ZBTB46: variants seen among roughly 807,000 people sequenced by gnomAD.
The protein encoded by ZBTB46 is zinc finger and BTB domain containing 46.
A neutral mutation model predicts 44.1 loss-of-function variants in ZBTB46; 8 were observed. The observed-to-expected ratio is 0.18, with a 90% CI of 0.11 to 0.33. ZBTB46 has a LOEUF of 0.33. ZBTB46 is among the 10% of genes least tolerant of loss of function. The probability of loss-of-function intolerance (pLI) is 1.00; values close to 1 mark genes in which losing one functional copy is unlikely to be tolerated. For missense variants in ZBTB46, 651 were observed against 847.7 expected, an observed-to-expected ratio of 0.77 and a Z score of 2.88; for synonymous variants, 409 against 382.3, an observed-to-expected ratio of 1.07 and a Z score of -0.81.
chr20:63,821,777 A>C (rs185223961), intron 1 of ZBTB46, among the ~76,000 whole-genome samples: 2 of 152,288 alleles, frequency 1.3e-5, no homozygotes, highest in East Asian at 3.9e-4. Flanking sequence ...GTGATGCTAA[A>C]CAGAAATACT....
intron 2 of ZBTB46, 126 bp downstream of exon 2, chr20:63,789,695 G>A: frequency 6.8e-7 from 1 of 1,463,988 alleles, no homozygotes; most frequent in Non-Finnish European, 9.1e-7. Context: ...CCTCCTGTAA[G>A]AGGAAGTGAC....
intron 3 of ZBTB46, among the ~76,000 whole-genome samples, chr20:63,756,658 G>A (rs571559511): frequency 2.0e-5 from 3 of 152,332 alleles, no homozygotes; most frequent in Admixed American, 6.5e-5. Context: ...CAGGCACTGC[G>A]TGTTCCCAGC....
chr20:63,774,896 G>C (rs1315582406), intron 3 of ZBTB46, among the ~76,000 whole-genome samples: 7 of 152,012 alleles, frequency 4.6e-5, no homozygotes, highest in Non-Finnish European at 8.8e-5. Context: ...GTAGAGACGG[G>C]GTTTCACCGT....
At chr20:63,823,321 C>T (rs878989730) in intron 1 of ZBTB46, among the ~76,000 whole-genome samples, 1 of 151,994 alleles carries the variant, frequency 6.6e-6, no homozygotes, top group Non-Finnish European at 1.5e-5. Flanking sequence ...ATGGCAAAAC[C>T]TGGTCTCTAC....
At chr20:63,769,453 C>T in intron 3 of ZBTB46, 1 of 984,976 alleles carries the variant, frequency 1.0e-6, no homozygotes, top group Non-Finnish European at 1.2e-6. Context: ...TAGAGAGTTC[C>T]AGAAGCACTG....
At chr20:63,769,992 G>C (rs2145836602) in intron 3 of ZBTB46, among the ~76,000 whole-genome samples, 1 of 152,354 alleles carries the variant, frequency 6.6e-6, no homozygotes, top group Non-Finnish European at 1.5e-5. Flanking sequence ...AAGGACTGCA[G>C]GGAGCTGGGG....
rs752756525 is a variant in ZBTB46 at position 63,775,857 on chromosome 20, T to G, written c.1043A>C (p.Tyr348Ser). 1.2e-6 allele frequency: 2 copies of G among 1,613,370 alleles called. No homozygotes were observed. Among genetic ancestry groups the G allele is most frequent in the Admixed American group, 3.3e-5 (2 of 60,024 alleles). Residue 348 changes from tyrosine (Y) to serine (S), a missense_variant, in exon 3 of 5, where the codon TAT (tyrosine) becomes TCT (serine). Physicochemically the swap from Tyr to Ser is moderately radical, Grantham distance 144. Around this residue, in one of 5 missense-constraint regions of ZBTB46, gnomAD observed 385 missense variants for 423.3 expected, o/e 0.91. Transcript: ENST00000245663. Reference protein sequence around the residue: ...EEGLLGGEASYLGPPLTPEKD... With the variant: ...EEGLLGGEASSLGPPLTPEKD... Reference sequence around the variant, plus strand: ...CTCTGGGGTGAGGGGAGGGCCCAGATAGCTGGCTTCTCCTCCCAGGAGACC... The same window carrying G: ...CTCTGGGGTGAGGGGAGGGCCCAGAGAGCTGGCTTCTCCTCCCAGGAGACC...
At chr20:63,793,702 C>A (rs1338336297) in intron 1 of ZBTB46, among the ~76,000 whole-genome samples, 1 of 152,190 alleles carries the variant, frequency 6.6e-6, no homozygotes, top group Non-Finnish European at 1.5e-5. Context: ...CACACCTCCA[C>A]GTAAGATTTT....
chr20:63,749,498 A>G (rs1033395991), intron 4 of ZBTB46, among the ~76,000 whole-genome samples: 9 of 151,954 alleles, frequency 5.9e-5, no homozygotes, highest in South Asian at 4.2e-4. Flanking sequence ...CACCACGCCC[A>G]GCTAATTTTT....
intron 1 of ZBTB46, 166 bp from the exon 2 acceptor site, chr20:63,790,956 C>T: frequency 1.0e-6 from 1 of 998,608 alleles, no homozygotes; most frequent in Non-Finnish European, 1.4e-6. Context: ...TGTGTCTCCG[C>T]CTGAAGCAGG....
At chr20:63,771,999 T>C (rs2092378726) in intron 3 of ZBTB46, among the ~76,000 whole-genome samples, 2 of 91,324 alleles carry the variant, frequency 2.2e-5, no homozygotes, top group Admixed American at 1.3e-4. Context: ...AAAGGGCAAA[T>C]TCTTTTTTTT....
At chr20:63,788,320 G>A (rs1194262866) in intron 2 of ZBTB46, 2 of 152,258 alleles carry the variant, frequency 1.3e-5, no homozygotes, top group African/African-American at 4.8e-5. Flanking sequence ...CTGGGGAAAA[G>A]AGCAGAGGCC....
chr20:63,769,489 G>A, intron 3 of ZBTB46: 4 of 962,566 alleles, frequency 4.2e-6, no homozygotes, highest in Non-Finnish European at 4.9e-6. Context: ...TGCGGTGTGA[G>A]CCCGGTGATG....
At chr20:63,798,771 G>A (rs1209258536) in intron 1 of ZBTB46, among the ~76,000 whole-genome samples, 1 of 150,232 alleles carries the variant, frequency 6.7e-6, no homozygotes, top group Non-Finnish European at 1.5e-5. Context: ...CTGAGCCTGG[G>A]AGGCAGAGGA....
intron 3 of ZBTB46, among the ~76,000 whole-genome samples, chr20:63,772,001 C>CTTTT (rs11473575): frequency 8.6e-5 from 12 of 138,854 alleles, no homozygotes; most frequent in South Asian, 2.3e-4. Flanking sequence ...AGGGCAAATT[C>CTTTT]TTTTTTTTTT....
upstream of ZBTB46, among the ~76,000 whole-genome samples, chr20:63,832,616 C>G (rs935398898): frequency 6.6e-6 from 1 of 152,210 alleles, no homozygotes; most frequent in African/African-American, 2.4e-5. This position sits in a 1 kb window ranked among gnomAD's most constrained non-coding sequence, Gnocchi z 5.0. Context: ...CCCTTACTGC[C>G]GTCGCGGGCG....
chr20:63,790,010 C>T lies in ZBTB46; in HGVS notation c.748G>A (p.Ala250Thr), dbSNP rs762973807. 10 of 1,614,148 alleles carry T rather than the reference C, an allele frequency of 6.2e-6. No individual in the cohort carries two copies. In the East Asian group the frequency reaches 2.0e-4, roughly 32 times the overall value. ...TGCTCTGAGAAAGAGTTCTGTACTG[C>T]ACCGTCCTTGGCAGAAGGCAGCTCG... The part of the protein sequence containing the change: ...GSELPSAKDG[A>T]VQNSFSEQSA... Residue 250 changes from alanine to threonine, a missense_variant, in exon 2 of 5, where the codon GCA becomes ACA. Transcript: ENST00000245663.
At chr20:63,830,286 A>G (rs1179011743) in intron 1 of ZBTB46, among the ~76,000 whole-genome samples, 2 of 152,060 alleles carry the variant, frequency 1.3e-5, no homozygotes, top group African/African-American at 4.8e-5. Context: ...TGCCTTAGGG[A>G]TTGAGTTGTC....
rs2092330124 is a variant in ZBTB46 at position 63,767,480 on chromosome 20, C to G, written c.1222+8198G>C. On this transcript the variant is annotated intron_variant, in intron 3 of 4. Transcript: ENST00000245663. The surrounding 1 kb of genome is among the most constrained non-coding windows in gnomAD (Gnocchi z 5.0). ...CCCAGTCACAGCTCTCCGCAGATAT[C>G]CCCCTCCGACGCGGCTGTTCGGTCA... Among the ~76,000 whole-genome samples, 1 of 152,134 alleles carries G rather than the reference C, an allele frequency of 6.6e-6. No individual in the cohort carries two copies. The highest frequency in any genetic ancestry group is 1.5e-5 in the Non-Finnish European group (1 of 68,034).
Sources: allele counts gnomAD v4.1 joint callset (sites outside exome capture counted in the v4.1 genomes callset), GRCh38; gene constraint gnomAD v4.1.1; regional missense constraint gnomAD v4.1.1; non-coding constraint Gnocchi (gnomAD v3.1); transcripts MANE v1.5; gene names NCBI Gene and HGNC (gene_info 2026-07-23, HGNC 2026-07-21).